NTSR1: variants seen among roughly 807,000 people sequenced by gnomAD.
NTSR1 encodes the protein neurotensin receptor 1.
A neutral mutation model predicts 31.2 loss-of-function variants in NTSR1; 29 were observed. That is an observed-to-expected ratio of 0.93 (90% CI 0.69 to 1.27). The LOEUF is 1.27. NTSR1 is among the 50% of genes most tolerant of loss of function. The pLI is 0.00. For missense variants in NTSR1, 697 were observed against 595.4 expected (o/e 1.17, Z -1.78); for synonymous variants, 282 against 269.9 (o/e 1.04, Z -0.44).
intron 1 of NTSR1, among the ~76,000 whole-genome samples, chr20:62,731,497 C>T (rs1166835084): frequency 2.0e-5 from 3 of 151,932 alleles, no homozygotes; most frequent in Non-Finnish European, 4.4e-5. Flanking sequence ...GATTTTATAC[C>T]CAAGATACCT....
intron 1 of NTSR1, among the ~76,000 whole-genome samples, chr20:62,750,070 C>T (rs1380121896): frequency 6.6e-6 from 1 of 152,306 alleles, no homozygotes; most frequent in African/African-American, 2.4e-5. Flanking sequence ...AGCAGACCCG[C>T]GGATCGAGAG....
intron 2 of NTSR1, chr20:62,756,568 C>G (rs1989517273): frequency 1.3e-5 from 2 of 152,286 alleles, no homozygotes; most frequent in Non-Finnish European, 2.9e-5. Context: ...GCACATTACC[C>G]TAAGAGAGCC....
intron 3 of NTSR1, among the ~76,000 whole-genome samples, chr20:62,759,306 A>T (rs2147150808): frequency 6.6e-6 from 1 of 152,164 alleles, no homozygotes; most frequent in South Asian, 2.1e-4. Flanking sequence ...CAACAAGCTG[A>T]GGGCAAGGTG....
At chr20:62,748,364 C>G (rs1989338635) in intron 1 of NTSR1, among the ~76,000 whole-genome samples, 1 of 152,042 alleles carries the variant, frequency 6.6e-6, no homozygotes, top group South Asian at 2.1e-4. Flanking sequence ...CCAAAGTGAT[C>G]TACAGATTCA....
intron 3 of NTSR1, among the ~76,000 whole-genome samples, chr20:62,759,646 G>A (rs979774865): frequency 2.6e-5 from 4 of 152,070 alleles, no homozygotes; most frequent in South Asian, 4.1e-4. Flanking sequence ...TGGTGGGGGG[G>A]TCCCTGTAGT....
chr20:62,758,481 C>T lies in NTSR1; in HGVS notation c.1007+125C>T. On this transcript the variant is annotated intron_variant, in intron 3 of 3. Coordinates refer to ENST00000370501, the MANE Select transcript of NTSR1 (RefSeq NM_002531.3). The surrounding 1 kb of genome is among the most constrained non-coding windows in gnomAD (Gnocchi z 4.5). Reference sequence around the variant, plus strand: ...AGGGGTGTGGTGAGTCCCCCGGCGACCCCCTGGGCAGGGTTGTGCTGTGAC... The same window carrying T: ...AGGGGTGTGGTGAGTCCCCCGGCGATCCCCTGGGCAGGGTTGTGCTGTGAC... 1 of 827,980 alleles carries T rather than the reference C, an allele frequency of 1.2e-6. No individual in the cohort carries two copies. Among genetic ancestry groups the T allele is most frequent in the Non-Finnish European group, 1.9e-6 (1 of 512,910 alleles). 51.3% of individuals were successfully genotyped at this position (827,980 alleles called of 1,614,324 possible).
At chr20:62,727,111 C>T (rs567784723) in intron 1 of NTSR1, among the ~76,000 whole-genome samples, 1 of 152,172 alleles carries the variant, frequency 6.6e-6, no homozygotes, top group Non-Finnish European at 1.5e-5. Context: ...CCCGAGAGAC[C>T]GCCTCATCCG....
rs748025818 is a variant in NTSR1 at position 62,741,728 on chromosome 20, G to A, written c.715-12957G>A. 2.8e-4 allele frequency among the ~76,000 whole-genome samples: 42 copies of A among 149,686 alleles called. No individual in the cohort carries two copies. Among genetic ancestry groups the A allele is most frequent in the Non-Finnish European group, 3.4e-4 (23 of 68,018 alleles). Reference sequence around the variant, plus strand: ...GGGCAGGCTCAGTCCCTGAGAGGTCGCCAAGGAGCCACAGCCTTGGACTAG... The same window carrying A: ...GGGCAGGCTCAGTCCCTGAGAGGTCACCAAGGAGCCACAGCCTTGGACTAG... On this transcript the variant is annotated intron_variant, in intron 1 of 3. Transcript: ENST00000370501. This position sits in a 1 kb window ranked among gnomAD's most constrained non-coding sequence, Gnocchi z 4.3.
rs1988667701 is a variant in NTSR1, at chr20:62,714,063, G to A, written c.714+4142G>A. 6.6e-6 allele frequency among the ~76,000 whole-genome samples: 1 copy of A among 152,202 alleles called. No individual in the cohort carries two copies. The highest frequency in any genetic ancestry group is 1.5e-5 in the Non-Finnish European group (1 of 68,046). ...TGCAGTGAGCCAAGATCACACCACT[G>A]CACTCCAGCCTGGGTGACAACTGTC... On this transcript the variant is annotated intron_variant, in intron 1 of 3. Transcript: ENST00000370501. The surrounding 1 kb of genome is among the most constrained non-coding windows in gnomAD (Gnocchi z 4.1).
At chr20:62,759,708 G>A (rs1989578659) in intron 3 of NTSR1, among the ~76,000 whole-genome samples, 1 of 150,588 alleles carries the variant, frequency 6.6e-6, no homozygotes, top group South Asian at 2.1e-4. Context: ...CCGGGAGGTG[G>A]AGCTTGCAGT....
At chr20:62,739,099 G>A (rs982973252) in intron 1 of NTSR1, among the ~76,000 whole-genome samples, 3 of 152,216 alleles carry the variant, frequency 2.0e-5, no homozygotes, top group African/African-American at 2.4e-5. Flanking sequence ...TGAGGGAGAC[G>A]CGTGTGGAAC....
At position 62,708,986 on chromosome 20, in the gene NTSR1, G is replaced by A. The variant is rs931073558; in HGVS notation, c.-222G>A. On this transcript the variant is annotated 5_prime_UTR_variant, in exon 1 of 4. Transcript: ENST00000370501. The surrounding 1 kb of genome is among the most constrained non-coding windows in gnomAD (Gnocchi z 5.9). Reference sequence around the variant, plus strand: ...GGAACCACGGGTTCTGGAGCTAGGAGCCGGAAGCTGGGAGTCCGGAGGAGA... The same window carrying A: ...GGAACCACGGGTTCTGGAGCTAGGAACCGGAAGCTGGGAGTCCGGAGGAGA... The A allele has an allele frequency of 3.2e-5, 14 of 438,432 alleles. No individual in the cohort carries two copies. In the East Asian group the frequency reaches 3.7e-4, roughly 11 times the overall value. 27.2% of individuals were successfully genotyped at this position (438,432 alleles called of 1,614,324 possible). A position where few individuals can be genotyped will look rare whatever the true frequency, so the allele number is the denominator to read the frequency against.
At position 62,742,451 on chromosome 20, in the gene NTSR1, CG is replaced by C. The variant is rs1989221822; in HGVS notation, c.715-12231del. Among the ~76,000 whole-genome samples, 1 of 149,530 alleles carries C rather than the reference CG, an allele frequency of 6.7e-6. No homozygotes were observed. Among genetic ancestry groups the C allele is most frequent in the South Asian group, 2.1e-4 (1 of 4,762 alleles). On this transcript the variant is annotated intron_variant, in intron 1 of 3. Transcript: ENST00000370501. The surrounding 1 kb of genome is among the most constrained non-coding windows in gnomAD (Gnocchi z 7.1). The stretch of plus-strand genomic sequence containing the variant: ...TCCAGATCCCAGCAGCATCTCGAGC[CG>C]GGCCTGGTACTGCTTAGATGCCTGG...
At chr20:62,749,778 A>G (rs1288756118) in intron 1 of NTSR1, among the ~76,000 whole-genome samples, 3 of 152,190 alleles carry the variant, frequency 2.0e-5, no homozygotes, top group Non-Finnish European at 4.4e-5. Flanking sequence ...GGCGATCATC[A>G]AAAAGCCGGC....
At chr20:62,720,851 C>A (rs1288272970) in intron 1 of NTSR1, among the ~76,000 whole-genome samples, 1 of 152,076 alleles carries the variant, frequency 6.6e-6, no homozygotes, top group African/African-American at 2.4e-5. Context: ...TAATTTAGAT[C>A]AAAATTTTTT....
rs1989238889 is a variant in NTSR1, at chr20:62,743,445, C to A, written c.715-11240C>A. Among the ~76,000 whole-genome samples the A allele has an allele frequency of 6.6e-6, 1 of 152,206 alleles. No individual in the cohort carries two copies. Among genetic ancestry groups the A allele is most frequent in the Admixed American group, 6.5e-5 (1 of 15,284 alleles). ...GCTGGGTCTAGTGGGGGCCTCTCCA[C>A]CTGGAGTCTGTCTGGGAGGTTAGAA... On this transcript the variant is annotated intron_variant, in intron 1 of 3. Coordinates refer to ENST00000370501, the MANE Select transcript of NTSR1 (RefSeq NM_002531.3). This position sits in a 1 kb window ranked among gnomAD's most constrained non-coding sequence, Gnocchi z 7.5.
chr20:62,748,117 G>T (rs1002588341), intron 1 of NTSR1, among the ~76,000 whole-genome samples: 12 of 149,984 alleles, frequency 8.0e-5, no homozygotes, highest in African/African-American at 3.0e-4. Context: ...GGAGGTTGCA[G>T]TGAGCCAAAA....
At chr20:62,751,666 G>A (rs1298698271) in intron 1 of NTSR1, among the ~76,000 whole-genome samples, 1 of 152,258 alleles carries the variant, frequency 6.6e-6, no homozygotes, top group Non-Finnish European at 1.5e-5. Context: ...TGATGCAAAT[G>A]TTTGGCTGAC....
chr20:62,757,054 C>T (rs1470994678), intron 2 of NTSR1, among the ~76,000 whole-genome samples: 1 of 152,116 alleles, frequency 6.6e-6, no homozygotes, highest in Non-Finnish European at 1.5e-5. Flanking sequence ...CTGATGGCAT[C>T]CTTTGATACA....
Sources: allele counts gnomAD v4.1 joint callset (sites outside exome capture counted in the v4.1 genomes callset), GRCh38; gene constraint gnomAD v4.1.1; non-coding constraint Gnocchi (gnomAD v3.1); transcripts MANE v1.5; gene names NCBI Gene and HGNC (gene_info 2026-07-23, HGNC 2026-07-21).